Variants in PTPRN2 observed in about 807,000 individuals in gnomAD.
PTPRN2 encodes receptor-type tyrosine-protein phosphatase N2.
In PTPRN2, 74 loss-of-function variants were observed where a neutral mutation model predicts 118.8. That is an observed-to-expected ratio of 0.62 (90% CI 0.52 to 0.76). The LOEUF (loss-of-function observed/expected upper bound fraction) is 0.76. PTPRN2 is among the 30% of genes least tolerant of loss of function. PTPRN2 has a pLI of 0.00. For missense variants in PTPRN2, 1,481 were observed against 1,394.4 expected, an observed-to-expected ratio of 1.06 and a Z score of -0.99; for synonymous variants, 641 against 608.0, an observed-to-expected ratio of 1.05 and a Z score of -0.80.
chr7:158,293,092 C>T (rs892206774), intron 3 of PTPRN2, among the ~76,000 whole-genome samples: 4 of 151,774 alleles, frequency 2.6e-5, no homozygotes, highest in Non-Finnish European at 5.9e-5. Context: ...AATGGTGCAG[C>T]TATATAGAGC....
At position 158,517,361 on chromosome 7, in the gene PTPRN2, G is replaced by T. The variant is rs1042094880; in HGVS notation, c.113-27576C>A. 6.6e-6 allele frequency among the ~76,000 whole-genome samples: 1 copy of T among 152,138 alleles called. No homozygotes were observed. Among genetic ancestry groups the T allele is most frequent in the African/African-American group, 2.4e-5 (1 of 41,430 alleles). ...ACACCTATCACCGCCCACCACAGGC[G>T]CACTGTGGGCTGATGGGGTGGGCCA... On this transcript the variant is annotated intron_variant, in intron 1 of 22. Coordinates refer to ENST00000389418, the MANE Select transcript of PTPRN2 (RefSeq NM_002847.5). This position sits in a 1 kb window ranked among gnomAD's most constrained non-coding sequence, Gnocchi z 5.3.
At chr7:158,091,310 C>T (rs990208760) in intron 10 of PTPRN2, among the ~76,000 whole-genome samples, 6 of 152,136 alleles carry the variant, frequency 3.9e-5, no homozygotes, top group African/African-American at 1.4e-4. Context: ...AAGAAGATAG[C>T]CAAGGCATAT....
At chr7:157,546,567 T>C (rs1798329814) in intron 22 of PTPRN2, among the ~76,000 whole-genome samples, 1 of 152,264 alleles carries the variant, frequency 6.6e-6, no homozygotes. Context: ...CTGAGGATGA[T>C]GGCTTCCAGC....
intron 12 of PTPRN2, among the ~76,000 whole-genome samples, chr7:157,722,448 C>T (rs1425288845): frequency 6.6e-6 from 1 of 151,992 alleles, no homozygotes. Flanking sequence ...ACCCAGCGCC[C>T]ATGTCGGTGC....
chr7:157,937,316 G>T (rs1486590986), intron 11 of PTPRN2, among the ~76,000 whole-genome samples: 1 of 152,194 alleles, frequency 6.6e-6, no homozygotes, highest in Non-Finnish European at 1.5e-5. Context: ...AGTAAGCTGT[G>T]CTGGGGAAAG....
At chr7:158,312,118 G>A (rs964037309) in intron 3 of PTPRN2, among the ~76,000 whole-genome samples, 10 of 68,732 alleles carry the variant, frequency 1.5e-4, no homozygotes, top group Admixed American at 5.5e-4. Context: ...CCCACACAAG[G>A]CAAACACACG....
rs567167770 is a variant in PTPRN2 at position 157,780,817 on chromosome 7, C to T, written c.1789-97880G>A. On this transcript the variant is annotated intron_variant, in intron 12 of 22. Transcript: ENST00000389418. This position sits in a 1 kb window ranked among gnomAD's most constrained non-coding sequence, Gnocchi z 4.5. The stretch of plus-strand genomic sequence containing the variant: ...CCAAACTCGCTTTCTCTGCCTCATC[C>T]GTGATGAGCTGCCCCGCGGGTCCCC... Among the ~76,000 whole-genome samples the T allele has an allele frequency of 7.2e-5, 11 of 152,258 alleles. No individual in the cohort carries two copies. The highest frequency in any genetic ancestry group is 1.7e-4 in the African/African-American group (7 of 41,564).
At chr7:158,358,683 C>T (rs990588067) in intron 2 of PTPRN2, among the ~76,000 whole-genome samples, 1 of 152,222 alleles carries the variant, frequency 6.6e-6, no homozygotes, top group Non-Finnish European at 1.5e-5. Flanking sequence ...GCACGCGGTG[C>T]TGCCTTTAGC....
intron 6 of PTPRN2, among the ~76,000 whole-genome samples, chr7:158,147,208 C>A (rs1820173864): frequency 4.1e-5 from 2 of 48,682 alleles, no homozygotes; most frequent in African/African-American, 1.4e-4. Flanking sequence ...CGCCACGTGT[C>A]TTTCCCCCTC....
Position 158,557,699 on chromosome 7 carries a change from C to T in PTPRN2, c.112+29859G>A, listed in dbSNP as rs113108901. Reference sequence around the variant, plus strand: ...CCCACTGAGATTTCTAAAGCTCCTCCTCTAGTGAGCAACCTGGGATGTTTG... The same window carrying T: ...CCCACTGAGATTTCTAAAGCTCCTCTTCTAGTGAGCAACCTGGGATGTTTG... On this transcript the variant is annotated intron_variant, in intron 1 of 22. Coordinates refer to ENST00000389418, the MANE Select transcript of PTPRN2 (RefSeq NM_002847.5). Among the ~76,000 whole-genome samples the T allele has an allele frequency of 7.6e-3, 1,159 of 152,346 alleles. 12 individuals are homozygous for T. Among genetic ancestry groups the T allele is most frequent in the African/African-American group, 0.026 (1,095 of 41,576 alleles).
At chr7:158,549,970 G>C (rs539082516) in intron 1 of PTPRN2, among the ~76,000 whole-genome samples, 1 of 152,202 alleles carries the variant, frequency 6.6e-6, no homozygotes, top group Non-Finnish European at 1.5e-5. Flanking sequence ...CCTTGCCCTC[G>C]TCCTGGGGTC....
chr7:157,899,698 T>C (rs1378928949), intron 11 of PTPRN2, among the ~76,000 whole-genome samples: 1 of 152,202 alleles, frequency 6.6e-6, no homozygotes, highest in Non-Finnish European at 1.5e-5. Flanking sequence ...GATGAGATCT[T>C]GTTACAGCCT....
Position 158,455,791 on chromosome 7 carries a change from A to G in PTPRN2, c.163+33944T>C, listed in dbSNP as rs79047349. 5.0e-3 allele frequency among the ~76,000 whole-genome samples: 352 copies of G among 70,350 alleles called. 9 individuals carry two copies. The highest frequency in any genetic ancestry group is 0.022 in the East Asian group (45 of 2,006). The allele number at this position is 70,350 out of a possible 152,430, so 46.2% of individuals were successfully genotyped here. On this transcript the variant is annotated intron_variant, in intron 2 of 22. Transcript: ENST00000389418. ...ACGCCATCGGCCATGGCCACCCATT[A>G]CTCTGCAGAGAACATAACGGCACAG...
chr7:158,165,867 C>T (rs1459770119), intron 6 of PTPRN2, among the ~76,000 whole-genome samples: 1 of 152,166 alleles, frequency 6.6e-6, no homozygotes, highest in Non-Finnish European at 1.5e-5. Context: ...CAGGTAGCGA[C>T]ACCGGAAGCC....
intron 2 of PTPRN2, among the ~76,000 whole-genome samples, chr7:158,448,064 A>G (rs1817849460): frequency 6.6e-6 from 1 of 152,222 alleles, no homozygotes; most frequent in Admixed American, 6.5e-5. Context: ...AGCCAAGCCC[A>G]GCATGGCGTG....
At chr7:158,010,110 T>C (rs777884448) in intron 11 of PTPRN2, among the ~76,000 whole-genome samples, 5 of 152,176 alleles carry the variant, frequency 3.3e-5, no homozygotes, top group Non-Finnish European at 7.3e-5. Context: ...CAGGGGCCTG[T>C]GTGAACTGCC....
rs902998172 is a variant in PTPRN2, at chr7:157,817,118, C to T, written c.1788+81555G>A. Among the ~76,000 whole-genome samples the T allele has an allele frequency of 3.3e-5, 5 of 152,316 alleles. No homozygotes were observed. In the East Asian group the frequency reaches 5.8e-4, roughly 18 times the overall value. On this transcript the variant is annotated intron_variant, in intron 12 of 22. Transcript: ENST00000389418. ...TGGGAGCGCTGTGTTCCGGGGGCGC[C>T]GCGGGTCCCTCCTCCCCAGGCTGCT...
rs138733977 is a variant in PTPRN2 at position 158,351,133 on chromosome 7, A to T, written c.164-34201T>A. Among the ~76,000 whole-genome samples the T allele has an allele frequency of 3.1e-3, 476 of 152,298 alleles. 2 individuals carry two copies. Among genetic ancestry groups the T allele is most frequent in the Middle Eastern group, 6.8e-3 (2 of 294 alleles). ...CATCAAACTGTTATGCGGGAGGCAG[A>T]AGGACCTCACCGACGGCATCTCTCG... On this transcript the variant is annotated intron_variant, in intron 2 of 22. Transcript: ENST00000389418.
chr7:158,097,026 A>T (rs150499146), intron 10 of PTPRN2, among the ~76,000 whole-genome samples: 12 of 152,330 alleles, frequency 7.9e-5, no homozygotes, highest in Non-Finnish European at 1.3e-4. Flanking sequence ...AGGGAAAACC[A>T]GAGAGCCAAC....
Sources: gnomAD v4.1 joint callset for allele counts (sites outside exome capture counted in the v4.1 genomes callset) on GRCh38, gnomAD v4.1.1 for gene constraint, Gnocchi (gnomAD v3.1) non-coding constraint, MANE v1.5 for transcripts, NCBI Gene and HGNC (gene_info 2026-07-23, HGNC 2026-07-21) for gene names.